The following APH1B variants were observed in gnomAD, a reference collection of about 807,000 sequenced individuals.
APH1B encodes gamma-secretase subunit APH-1B.
In APH1B, 27 loss-of-function variants were observed where a neutral mutation model predicts 28.2. The observed-to-expected ratio is 0.96, with a 90% CI of 0.70 to 1.32. The LOEUF is 1.32. APH1B is among the 40% of genes most tolerant of loss of function. APH1B has a pLI of 0.00. For missense variants in APH1B, 305 were observed against 313.6 expected (o/e 0.97, Z 0.21); for synonymous variants, 141 against 124.6 (o/e 1.13, Z -0.88).
chr15:63,296,658 C>A (rs900358183), intron 4 of APH1B, among the ~76,000 whole-genome samples: 1 of 137,442 alleles, frequency 7.3e-6, no homozygotes, highest in East Asian at 2.1e-4. Flanking sequence ...AATGTTGTTT[C>A]TTTTTTTTTT....
At chr15:63,287,303 T>C in intron 3 of APH1B, 121 bp from the exon 4 acceptor site, 1 of 1,377,072 alleles carries the variant, frequency 7.3e-7, no homozygotes, top group Non-Finnish European at 9.8e-7. Context: ...AGCTGTCCAC[T>C]GCTTCAGGAA....
In APH1B at chr15:63,277,708, C is replaced by G; in HGVS notation, c.85C>G (p.Pro29Ala). 1 of 1,611,422 alleles carries G rather than the reference C, an allele frequency of 6.2e-7. No individual in the cohort carries two copies. Among genetic ancestry groups the G allele is most frequent in the South Asian group, 1.1e-5 (1 of 90,926 alleles). Residue 29 changes from proline (P) to alanine (A), a missense_variant, in exon 1 of 6, where the codon CCG becomes GCG. Coordinates refer to ENST00000261879, the MANE Select transcript of APH1B (RefSeq NM_031301.4). ...ALYVFTIATE[P>A]LRIIFLIAGA... is the part of the protein sequence containing the mutation. ...TTATGTCTTCACCATCGCCACCGAG[C>G]CGTTGCGTATCATCTTCCTCATCGC...
chr15:63,299,466 A>G (rs1199318517), intron 4 of APH1B, among the ~76,000 whole-genome samples: 2 of 152,000 alleles, frequency 1.3e-5, no homozygotes, highest in African/African-American at 2.4e-5. Flanking sequence ...GTGCAGTGGC[A>G]CTATCTCGGC....
chr15:63,308,944 A>G lies in APH1B; in HGVS notation c.*3163A>G, dbSNP rs1299853432. The G allele has an allele frequency of 3.3e-5, 5 of 152,292 alleles. No individual in the cohort carries two copies. Among genetic ancestry groups the G allele is most frequent in the South Asian group, 4.1e-4 (2 of 4,828 alleles). 9.4% of individuals were successfully genotyped at this position (152,292 alleles called of 1,614,324 possible). A position where few individuals can be genotyped will look rare whatever the true frequency, so the allele number is the denominator to read the frequency against. On this transcript the variant is annotated 3_prime_UTR_variant, in exon 6 of 6. Transcript: ENST00000261879. ...TTTAATAGGCTTTTTACTTCATTCT[A>G]TTAAATTTTAGTGTTTAGAAGAGGC...
chr15:63,277,847 C>T (rs2038341648), intron 1 of APH1B, 111 bp downstream of exon 1: 1 of 1,077,484 alleles, frequency 9.3e-7, no homozygotes, highest in Non-Finnish European at 1.3e-6. Flanking sequence ...GCGTTTCAGA[C>T]GGGAGGAGGG....
intron 4 of APH1B, among the ~76,000 whole-genome samples, chr15:63,298,992 G>C (rs975694366): frequency 6.6e-6 from 1 of 152,104 alleles, no homozygotes; most frequent in Admixed American, 6.5e-5. Flanking sequence ...GTAAGATTCG[G>C]ATGTGGTGAA....
chr15:63,286,874 A>G (rs1051552186), intron 3 of APH1B, among the ~76,000 whole-genome samples: 15 of 152,216 alleles, frequency 9.9e-5, no homozygotes, highest in African/African-American at 3.4e-4. Flanking sequence ...TTTAATGTGT[A>G]TGTACCCTAG....
chr15:63,307,098 T>C lies in APH1B; in HGVS notation c.*1317T>C, dbSNP rs1816877955. The C allele has an allele frequency of 6.6e-6, 1 of 152,156 alleles. No individual in the cohort carries two copies. Among genetic ancestry groups the C allele is most frequent in the Admixed American group, 6.5e-5 (1 of 15,268 alleles). 9.4% of individuals were successfully genotyped at this position (152,156 alleles called of 1,614,324 possible). ...CATGAAATGCAAATGACCTATACAT[T>C]AAAGTGATGTCTCAGTGAATACCAT... is the stretch of plus-strand genomic sequence containing the variant. On this transcript the variant is annotated 3_prime_UTR_variant, in exon 6 of 6. Coordinates refer to ENST00000261879, the MANE Select transcript of APH1B (RefSeq NM_031301.4).
chr15:63,286,582 T>C lies in APH1B; in HGVS notation c.309T>C (p.Ser103=), dbSNP rs200945052. The stretch of plus-strand genomic sequence containing the variant: ...GAAAAGCCAGTGAAGGTTTGAAGAG[T>C]ATAAACCCAGGTGAGACAGCACCCT... The part of the protein sequence containing the change: ...LLKKASEGLK[S]INPGETAPSM... Residue 103 remains serine, a synonymous_variant, in exon 3 of 6, where the codon AGT becomes AGC. Transcript: ENST00000261879. The C allele has an allele frequency of 1.9e-6, 3 of 1,606,472 alleles. No homozygotes were observed. Among genetic ancestry groups the C allele is most frequent in the Non-Finnish European group, 2.5e-6 (3 of 1,177,356 alleles).
At chr15:63,302,293 T>G (rs1230019721) in intron 4 of APH1B, 52 bp from the exon 5 acceptor site, 23 of 1,600,556 alleles carry the variant, frequency 1.4e-5, no homozygotes, top group Admixed American at 8.5e-5. Flanking sequence ...GCCAGGGTCC[T>G]CAGTGGTTCT....
intron 1 of APH1B, chr15:63,277,941 T>C: frequency 1.7e-6 from 1 of 581,650 alleles, no homozygotes; most frequent in Non-Finnish European, 3.0e-6. Flanking sequence ...TCAGGGCCTT[T>C]TGCCTGGGGC....
At chr15:63,301,240 T>C (rs1345703125) in intron 4 of APH1B, among the ~76,000 whole-genome samples, 1 of 152,268 alleles carries the variant, frequency 6.6e-6, no homozygotes, top group Non-Finnish European at 1.5e-5. Context: ...AAATAGAGAA[T>C]GCAAATTCCT....
chr15:63,290,872 G>C (rs967302304), intron 4 of APH1B, among the ~76,000 whole-genome samples: 1 of 151,682 alleles, frequency 6.6e-6, no homozygotes, highest in African/African-American at 2.4e-5. Flanking sequence ...ACAGCTTATG[G>C]AGGAAGTGCC....
At chr15:63,288,292 A>G (rs1343157380) in intron 4 of APH1B, among the ~76,000 whole-genome samples, 1 of 152,248 alleles carries the variant, frequency 6.6e-6, no homozygotes, top group African/African-American at 2.4e-5. Flanking sequence ...AATAAGAGAA[A>G]AAAAAGTGAA....
intron 2 of APH1B, among the ~76,000 whole-genome samples, chr15:63,283,475 C>T (rs2038411783): frequency 6.6e-6 from 1 of 152,264 alleles, no homozygotes; most frequent in East Asian, 1.9e-4. Context: ...AGCGACCCGC[C>T]CACCTCAGCC....
At chr15:63,293,776 A>C (rs770210762) in intron 4 of APH1B, among the ~76,000 whole-genome samples, 2 of 150,882 alleles carry the variant, frequency 1.3e-5, no homozygotes, top group Non-Finnish European at 3.0e-5. Context: ...CTATTTGTTT[A>C]TGTTTTGAGA....
intron 2 of APH1B, 71 bp downstream of exon 2, chr15:63,279,402 G>A (rs2038361694): frequency 7.7e-6 from 11 of 1,423,092 alleles, no homozygotes; most frequent in Admixed American, 5.4e-5. Flanking sequence ...CATTTGAAAC[G>A]TGAATATAGT....
intron 2 of APH1B, among the ~76,000 whole-genome samples, chr15:63,280,091 C>G (rs139038255): frequency 2.0e-5 from 3 of 152,302 alleles, no homozygotes; most frequent in East Asian, 3.9e-4. Flanking sequence ...AGCCACCACA[C>G]CCGGCCAAGA....
At chr15:63,298,776 A>G (rs1221762427) in intron 4 of APH1B, among the ~76,000 whole-genome samples, 1 of 152,214 alleles carries the variant, frequency 6.6e-6, no homozygotes, top group African/African-American at 2.4e-5. Flanking sequence ...GAGAGTTTAA[A>G]TAGCTTGTCC....
Sources: allele counts gnomAD v4.1 joint callset (sites outside exome capture counted in the v4.1 genomes callset), GRCh38; gene constraint gnomAD v4.1.1; transcripts MANE v1.5; gene names NCBI Gene and HGNC (gene_info 2026-07-23, HGNC 2026-07-21).